Variants in DNAH8 observed in about 807,000 individuals in gnomAD.
DNAH8 encodes the protein axonemal beta dynein heavy chain 8.
DNAH8 carries 382 observed loss-of-function variants against 562.1 expected under a neutral mutation model. That is an observed-to-expected ratio of 0.68 (90% CI 0.63 to 0.74). DNAH8 has a LOEUF of 0.74. Ranked by LOEUF, DNAH8 falls within the 30% of genes least tolerant of loss-of-function variation. DNAH8 has a pLI of 0.00. For missense variants in DNAH8, 5,203 were observed against 5,620.4 expected, an observed-to-expected ratio of 0.93 and a Z score of 2.37; for synonymous variants, 1,881 against 1,919.4, an observed-to-expected ratio of 0.98 and a Z score of 0.52.
At chr6:38,748,229 C>T (rs555863273) in intron 8 of DNAH8, among the ~76,000 whole-genome samples, 14 of 152,252 alleles carry the variant, frequency 9.2e-5, no homozygotes, top group African/African-American at 3.1e-4. Context: ...TAATGATCTG[C>T]CATAGTGACC....
At chr6:38,733,200 A>G (rs965161115) in intron 4 of DNAH8, among the ~76,000 whole-genome samples, 3 of 152,048 alleles carry the variant, frequency 2.0e-5, no homozygotes, top group African/African-American at 7.2e-5. Context: ...CCAATTTTCT[A>G]TTTCTTTTAT....
chr6:38,884,980 C>G (rs1778814011), intron 56 of DNAH8, among the ~76,000 whole-genome samples: 1 of 152,074 alleles, frequency 6.6e-6, no homozygotes, highest in South Asian at 2.1e-4. Context: ...AGGACAAGTC[C>G]CATTTTGCTC....
chr6:38,938,414 A>G (rs768621285), intron 78 of DNAH8, among the ~76,000 whole-genome samples, 188 bp downstream of exon 78: 94 of 152,236 alleles, frequency 6.2e-4, no homozygotes, highest in Admixed American at 4.6e-4. Flanking sequence ...GCAGCCATAA[A>G]AAAGAATGAA....
Position 38,872,677 on chromosome 6 carries a change from G to A in DNAH8, c.7132G>A (p.Ala2378Thr). The change falls in exon 50 of 93, where the codon GCC (alanine) becomes ACC (threonine). Residue 2378 changes from alanine (A) to threonine (T), a missense_variant. Ala to Thr is a moderately conservative substitution (Grantham distance 58, BLOSUM62 0). Transcript: ENST00000327475. ...PHREMRMNPK[A>T]ITAPQMFGRL... ...TAGAGAAATGCGAATGAATCCAAAA[G>A]CCATTACTGCACCTCAGATGTTTGG... is the stretch of plus-strand genomic sequence containing the variant. 5 of 1,614,078 alleles carry A rather than the reference G, an allele frequency of 3.1e-6. No homozygotes were observed. The highest frequency in any genetic ancestry group is 4.2e-6 in the Non-Finnish European group (5 of 1,179,980).
At chr6:38,844,469 A>C (rs1372280383) in intron 35 of DNAH8, among the ~76,000 whole-genome samples, 1 of 152,176 alleles carries the variant, frequency 6.6e-6, no homozygotes, top group Non-Finnish European at 1.5e-5. Flanking sequence ...TGTGCACAAA[A>C]AGCTTTTCTT....
intron 1 of DNAH8, among the ~76,000 whole-genome samples, chr6:38,720,877 G>GGTTA (rs1366619304): frequency 3.9e-5 from 6 of 151,942 alleles, no homozygotes; most frequent in African/African-American, 1.5e-4. Flanking sequence ...TATCAGAGAA[G>GGTTA]GTTAACAAAG....
intron 12 of DNAH8, 34 bp downstream of exon 12, chr6:38,770,593 C>T (rs1232294418): frequency 3.9e-6 from 6 of 1,522,308 alleles, no homozygotes; most frequent in Middle Eastern, 1.8e-4. Flanking sequence ...CCCCACTCCA[C>T]ACCACACCTT....
chr6:38,951,459 C>A lies in DNAH8; in HGVS notation c.12390C>A (p.Phe4130Leu). 6.2e-7 allele frequency: 1 copy of A among 1,614,134 alleles called. No homozygotes were observed. The highest frequency in any genetic ancestry group is 8.5e-7 in the Non-Finnish European group (1 of 1,180,032). The part of the protein sequence containing the change: ...ESDTRTPLIC[F>L]LSMGSDPTNQ... ...ATACCCGGACACCTCTGATATGCTT[C>A]CTGTCCATGGGATCTGACCCCACCA... is the stretch of plus-strand genomic sequence containing the variant. Residue 4130 changes from phenylalanine (F) to leucine (L), a missense_variant, in exon 82 of 93, where the codon TTC (phenylalanine) becomes TTA (leucine). Transcript: ENST00000327475.
intron 8 of DNAH8, among the ~76,000 whole-genome samples, chr6:38,747,650 G>C (rs1036483870): frequency 6.6e-5 from 10 of 152,298 alleles, no homozygotes; most frequent in African/African-American, 2.4e-4. Flanking sequence ...TGCCCAAAGT[G>C]CTGGGATTAC....
chr6:38,944,610 T>C (rs1001288714), intron 79 of DNAH8, among the ~76,000 whole-genome samples: 4 of 152,240 alleles, frequency 2.6e-5, no homozygotes, highest in Non-Finnish European at 5.9e-5. Context: ...ATTGTAAATA[T>C]CATCATGTAT....
intron 3 of DNAH8, among the ~76,000 whole-genome samples, chr6:38,724,594 C>T (rs1167578511): frequency 6.6e-6 from 1 of 152,082 alleles, no homozygotes; most frequent in African/African-American, 2.4e-5. Flanking sequence ...CTGGATTATA[C>T]CTATTTTCCT....
intron 60 of DNAH8, among the ~76,000 whole-genome samples, chr6:38,896,987 G>A (rs1267231249): frequency 8.6e-5 from 13 of 151,662 alleles, no homozygotes; most frequent in African/African-American, 2.4e-4. Flanking sequence ...AGGTTTCACC[G>A]TGTTGGTCCT....
At position 38,870,386 on chromosome 6, in the gene DNAH8, A is replaced by T; in HGVS notation, c.6829-15A>T. The T allele has an allele frequency of 6.2e-7, 1 of 1,607,398 alleles. No individual in the cohort carries two copies. The highest frequency in any genetic ancestry group is 8.5e-7 in the Non-Finnish European group (1 of 1,175,748). ...GACTGAATGAGTAAATTTATTTTAA[A>T]CTATGCCACCTTAGGTTGATGAAGA... is the stretch of plus-strand genomic sequence containing the variant. On this transcript the variant is annotated splice_polypyrimidine_tract_variant and intron_variant, in intron 48 of 92. Transcript: ENST00000327475.
At chr6:38,810,867 C>T (rs182648389) in intron 24 of DNAH8, among the ~76,000 whole-genome samples, 2 of 152,018 alleles carry the variant, frequency 1.3e-5, no homozygotes, top group Non-Finnish European at 2.9e-5. Flanking sequence ...ACTCTTTTAT[C>T]CTTTTTTGTA....
intron 24 of DNAH8, among the ~76,000 whole-genome samples, chr6:38,813,635 A>G (rs1011462976): frequency 6.6e-6 from 1 of 152,122 alleles, no homozygotes; most frequent in Non-Finnish European, 1.5e-5. Flanking sequence ...TGCATGAGTG[A>G]TATTGTTTAA....
At chr6:39,025,807 G>A (rs891111764) in intron 91 of DNAH8, among the ~76,000 whole-genome samples, 1 of 152,120 alleles carries the variant, frequency 6.6e-6, no homozygotes, top group Non-Finnish European at 1.5e-5. Flanking sequence ...AAAATATGTA[G>A]ATCATAAATA....
intron 82 of DNAH8, among the ~76,000 whole-genome samples, chr6:38,955,730 C>G (rs1057052214): frequency 2.6e-5 from 4 of 152,156 alleles, no homozygotes; most frequent in African/African-American, 9.7e-5. Context: ...CTCCACATAT[C>G]CCTCCCTCAT....
chr6:39,018,689 G>A (rs1766710756), intron 91 of DNAH8, among the ~76,000 whole-genome samples: 1 of 152,168 alleles, frequency 6.6e-6, no homozygotes, highest in Non-Finnish European at 1.5e-5. Context: ...CATCCTCCAG[G>A]TCACCTGGAC....
At chr6:38,756,612 T>A (rs1199643138) in intron 10 of DNAH8, among the ~76,000 whole-genome samples, 3 of 152,108 alleles carry the variant, frequency 2.0e-5, no homozygotes, top group Non-Finnish European at 2.9e-5. Context: ...GTTGGTGTGC[T>A]GCACCCATTA....
Sources: gnomAD v4.1 joint callset for allele counts (sites outside exome capture counted in the v4.1 genomes callset) on GRCh38, gnomAD v4.1.1 for gene constraint, MANE v1.5 for transcripts, NCBI Gene and HGNC (gene_info 2026-07-23, HGNC 2026-07-21) for gene names.